The following TENM3 variants were observed in gnomAD, a reference collection of about 807,000 sequenced individuals.
The protein encoded by TENM3 is teneurin transmembrane protein 3.
Under a neutral mutation model 255.1 loss-of-function variants are expected in TENM3, and 63 were observed. That is an observed-to-expected ratio of 0.25 (90% CI 0.20 to 0.30). The LOEUF (loss-of-function observed/expected upper bound fraction) is 0.30, where lower values mean the gene tolerates loss of function less well. TENM3 is among the 10% of genes least tolerant of loss of function. The probability of loss-of-function intolerance (pLI) is 1.00; values close to 1 mark genes in which losing one functional copy is unlikely to be tolerated. For missense variants in TENM3, 2,929 were observed against 3,461.1 expected (o/e 0.85, Z 3.86); for synonymous variants, 1,306 against 1,322.3 (o/e 0.99, Z 0.27).
chr4:181,495,914 A>AAAG, the TENM3 span, among the ~76,000 whole-genome samples: 2 of 151,242 alleles, frequency 1.3e-5, no homozygotes, highest in Admixed American at 6.6e-5. Flanking sequence ...AAAAAAAAAA[A>AAAG]AAAAAAAAGA....
chr4:181,714,138 G>T, the TENM3 span, among the ~76,000 whole-genome samples: 312 of 152,248 alleles, frequency 2.0e-3, 2 homozygotes, highest in African/African-American at 7.0e-3. Flanking sequence ...ATGGTGCATT[G>T]AAAATTTTAA....
the TENM3 span, among the ~76,000 whole-genome samples, chr4:181,563,412 C>G: frequency 1.7e-3 from 258 of 152,244 alleles, 1 homozygote; most frequent in African/African-American, 6.0e-3. Flanking sequence ...TTGGGGCCCA[C>G]CTTAATGACC....
intron 3 of TENM3, among the ~76,000 whole-genome samples, chr4:182,381,038 G>A (rs72699949): frequency 0.021 from 3,218 of 152,298 alleles, 56 homozygotes; most frequent in African/African-American, 0.048. Context: ...CTGACGGGCA[G>A]TCTTCTAGTG....
intron 13 of TENM3, among the ~76,000 whole-genome samples, chr4:182,725,603 C>G (rs1760096933): frequency 6.7e-6 from 1 of 150,184 alleles, no homozygotes; most frequent in Non-Finnish European, 1.5e-5. Flanking sequence ...AATTTCCAAA[C>G]TCAGTTTCAT....
chr4:182,042,174 T>C, the TENM3 span, among the ~76,000 whole-genome samples: 1 of 152,178 alleles, frequency 6.6e-6, no homozygotes, highest in African/African-American at 2.4e-5. Flanking sequence ...GTCTTAATCC[T>C]TTCTGATCAG....
the TENM3 span, among the ~76,000 whole-genome samples, chr4:181,921,275 T>G: frequency 4.6e-5 from 7 of 152,180 alleles, no homozygotes; most frequent in African/African-American, 1.7e-4. Flanking sequence ...GTGAAGAAAG[T>G]CATTGGTAGC....
At chr4:181,624,056 GGGA>G in the TENM3 span, among the ~76,000 whole-genome samples, 1 of 152,176 alleles carries the variant, frequency 6.6e-6, no homozygotes. Context: ...TGTTGGGTGT[GGGA>G]GGAGAACTTT....
At chr4:182,139,995 C>T (rs1466788223), upstream of TENM3, among the ~76,000 whole-genome samples, 1 of 152,214 alleles carries the variant, frequency 6.6e-6, no homozygotes, top group Non-Finnish European at 1.5e-5. Context: ...TTTTCCTCTA[C>T]AAACAGTCAT....
At chr4:181,691,462 GACATCTTATAAAAGTAAGTGTA>G in the TENM3 span, among the ~76,000 whole-genome samples, 1 of 152,154 alleles carries the variant, frequency 6.6e-6, no homozygotes, top group South Asian at 2.1e-4. Flanking sequence ...GAAAGTGAAT[GACATCTTATAAAAGTAAGTGTA>G]AAATGCAGTT....
chr4:182,293,260 AG>A (rs1366066022), intron 1 of TENM3, among the ~76,000 whole-genome samples: 1 of 152,134 alleles, frequency 6.6e-6, no homozygotes, highest in East Asian at 1.9e-4. Context: ...AGCATCTTTG[AG>A]GCGATTCAGC....
the TENM3 span, among the ~76,000 whole-genome samples, chr4:182,111,847 A>C: frequency 5.3e-5 from 8 of 152,322 alleles, no homozygotes; most frequent in African/African-American, 1.9e-4. Context: ...AATTTGTTGT[A>C]AATAGAGTTA....
In TENM3 at chr4:182,729,041, G is replaced by A; in HGVS notation, c.2445G>A (p.Leu815=). Residue 815 remains leucine (L), a synonymous_variant, in exon 14 of 28, where the codon CTG becomes CTA. Coordinates refer to ENST00000511685, the MANE Select transcript of TENM3 (RefSeq NM_001080477.4). The part of the protein sequence containing the change: ...SCQNQPYCRG[L]PDPQDIISQS... ...AGAATCAGCCCTATTGTCGGGGACT[G>A]CCGGATCCTCAGGACATCATTAGCC... The A allele has an allele frequency of 6.2e-7, 1 of 1,614,006 alleles. No homozygotes were observed. The highest frequency in any genetic ancestry group is 1.1e-5 in the South Asian group (1 of 91,082).
chr4:182,207,650 T>C (rs965688136), intron 1 of TENM3, among the ~76,000 whole-genome samples: 2 of 152,206 alleles, frequency 1.3e-5, no homozygotes, highest in East Asian at 3.8e-4. Context: ...TTAGTCTTTC[T>C]AAGAACTACT....
the TENM3 span, among the ~76,000 whole-genome samples, chr4:181,885,259 A>T: frequency 1.3e-5 from 2 of 152,136 alleles, no homozygotes; most frequent in Non-Finnish European, 2.9e-5. Flanking sequence ...CTTTAAAGAG[A>T]TTCAAGTTTG....
At chr4:181,839,345 GTATATATATATATATATATATATA>G in the TENM3 span, among the ~76,000 whole-genome samples, 17 of 56,684 alleles carry the variant, frequency 3.0e-4, 1 homozygote, top group African/African-American at 1.1e-3. Context: ...TGTATTGAGG[GTATATATATATATATATATATATA>G]TATATATATA....
chr4:182,080,164 C>T, the TENM3 span, among the ~76,000 whole-genome samples: 2 of 152,180 alleles, frequency 1.3e-5, no homozygotes, highest in South Asian at 2.1e-4. Flanking sequence ...GCCTAACCCA[C>T]GTTTCAAAAC....
chr4:181,898,406 C>T, the TENM3 span, among the ~76,000 whole-genome samples: 3 of 152,046 alleles, frequency 2.0e-5, no homozygotes, highest in Non-Finnish European at 4.4e-5. Context: ...ATATCTAAAG[C>T]CTGTTCCTGG....
chr4:182,073,687 G>T, the TENM3 span, among the ~76,000 whole-genome samples: 1 of 152,128 alleles, frequency 6.6e-6, no homozygotes, highest in African/African-American at 2.4e-5. Context: ...TAGTCTGTCC[G>T]AAGTCAAAAT....
the TENM3 span, among the ~76,000 whole-genome samples, chr4:181,879,025 CTT>C: frequency 7.9e-5 from 12 of 152,100 alleles, no homozygotes; most frequent in Non-Finnish European, 7.4e-5. Context: ...CAACTCCTTA[CTT>C]AGTTTCAGAT....
Sources: gnomAD v4.1 joint callset for allele counts (sites outside exome capture counted in the v4.1 genomes callset) on GRCh38, gnomAD v4.1.1 for gene constraint, MANE v1.5 for transcripts, NCBI Gene and HGNC (gene_info 2026-07-23, HGNC 2026-07-21) for gene names.